Variants in GALNT10 observed in about 807,000 individuals in gnomAD.
GALNT10 encodes the protein polypeptide N-acetylgalactosaminyltransferase 10.
Under a neutral mutation model 75.0 loss-of-function variants are expected in GALNT10, and 41 were observed. The observed-to-expected ratio is 0.55, with a 90% confidence interval of 0.43 to 0.71. The LOEUF (loss-of-function observed/expected upper bound fraction) is 0.71. GALNT10 is among the 30% of genes least tolerant of loss of function. The pLI is 0.00. For missense variants in GALNT10, 727 were observed against 818.5 expected (o/e 0.89, Z 1.36); for synonymous variants, 302 against 313.0 (o/e 0.96, Z 0.37).
chr5:154,372,787 G>A (rs1755594351), intron 4 of GALNT10, among the ~76,000 whole-genome samples: 2 of 152,106 alleles, frequency 1.3e-5, no homozygotes, highest in Non-Finnish European at 2.9e-5. Flanking sequence ...GTTGCAGGCA[G>A]GCAGGCATGA....
rs1422793 is a variant in GALNT10, at chr5:154,379,365, G to A, written c.755-1083G>A. ...CCCCACCTATGGACCGTGCCTTGCAGTTTAGGAAAAAGCAAAAATGCTGTT... is the reference window on the plus strand; with the variant it reads ...CCCCACCTATGGACCGTGCCTTGCAATTTAGGAAAAAGCAAAAATGCTGTT... On this transcript the variant is annotated intron_variant, in intron 5 of 11. Coordinates refer to ENST00000297107, the MANE Select transcript of GALNT10 (RefSeq NM_198321.4). Among the ~76,000 whole-genome samples, 1,454 of 152,324 alleles carry A rather than the reference G, an allele frequency of 9.5e-3. 84 individuals are homozygous for A. The highest frequency in any genetic ancestry group is 0.087 in the Admixed American group (1,337 of 15,306).
chr5:154,334,654 G>C (rs1754914859), intron 4 of GALNT10, among the ~76,000 whole-genome samples: 1 of 152,176 alleles, frequency 6.6e-6, no homozygotes. Flanking sequence ...GGAATGATGA[G>C]GTACAAAAGT....
rs1485657575 is a variant in GALNT10 at position 154,298,158 on chromosome 5, T to A, written c.401+79T>A. ...GTTGAGAATTAATTAAGGAAGCAGG[T>A]ACATGGAGCCCTGCTGACGGAGACA... On this transcript the variant is annotated intron_variant, in intron 3 of 11. Transcript: ENST00000297107. The surrounding 1 kb of genome is among the most constrained non-coding windows in gnomAD (Gnocchi z 4.1). The A allele has an allele frequency of 2.3e-6, 3 of 1,315,274 alleles. No homozygotes were observed. The highest frequency in any genetic ancestry group is 2.2e-6 in the Non-Finnish European group (2 of 928,142). The allele number at this position is 1,315,274 out of a possible 1,614,324, so 81.5% of individuals were successfully genotyped here. A position where few individuals can be genotyped will look rare whatever the true frequency, so the allele number is the denominator to read the frequency against.
rs1232975329 is a variant in GALNT10, at chr5:154,352,852, G to T, written c.568+23114G>T. ...GGTCTTGCATCGGGACATGGCTATG[G>T]CAGGGAAGAAATTTTCACAGGGCGC... On this transcript the variant is annotated intron_variant, in intron 4 of 11. Transcript: ENST00000297107. The surrounding 1 kb of genome is among the most constrained non-coding windows in gnomAD (Gnocchi z 4.4). Among the ~76,000 whole-genome samples the T allele has an allele frequency of 1.3e-5, 2 of 152,206 alleles. No individual in the cohort carries two copies. Among genetic ancestry groups the T allele is most frequent in the Non-Finnish European group, 2.9e-5 (2 of 68,038 alleles).
rs1265387722 is a variant in GALNT10 at position 154,245,875 on chromosome 5, A to G, written c.160-48941A>G. Among the ~76,000 whole-genome samples, 8 of 150,088 alleles carry G rather than the reference A, an allele frequency of 5.3e-5. No homozygotes were observed. The East Asian group carries it at 5.9e-4, about 11-fold the overall frequency. ...CACAACGTGCAGGTTTGTTACATATATATACATGTGCCATGTTGGTGTGCT... is the reference window on the plus strand; with the variant it reads ...CACAACGTGCAGGTTTGTTACATATGTATACATGTGCCATGTTGGTGTGCT... On this transcript the variant is annotated intron_variant, in intron 1 of 11. Transcript: ENST00000297107.
intron 8 of GALNT10, among the ~76,000 whole-genome samples, chr5:154,408,317 C>G (rs1001417328): frequency 6.6e-6 from 1 of 152,172 alleles, no homozygotes; most frequent in African/African-American, 2.4e-5. Flanking sequence ...TGCTAACTCC[C>G]CTTTAACCTT....
At chr5:154,384,264 C>T (rs2113182722) in intron 6 of GALNT10, among the ~76,000 whole-genome samples, 1 of 152,204 alleles carries the variant, frequency 6.6e-6, no homozygotes, top group Middle Eastern at 3.4e-3. Context: ...AGCTATCACT[C>T]CATTGTTTAG....
chr5:154,321,991 G>A (rs951374845), intron 3 of GALNT10, among the ~76,000 whole-genome samples: 1 of 152,198 alleles, frequency 6.6e-6, no homozygotes, highest in Admixed American at 6.5e-5. Flanking sequence ...TATCAAGGAC[G>A]ACTCCTCGTG....
chr5:154,382,453 T>C (rs1381677067), intron 6 of GALNT10, among the ~76,000 whole-genome samples: 1 of 152,222 alleles, frequency 6.6e-6, no homozygotes, highest in Non-Finnish European at 1.5e-5. Flanking sequence ...GAATCAATCC[T>C]CAGTTGACCT....
chr5:154,378,338 C>CATCATCATCATCATCATT (rs1438415216), intron 5 of GALNT10, among the ~76,000 whole-genome samples: 1 of 152,090 alleles, frequency 6.6e-6, no homozygotes, highest in Non-Finnish European at 1.5e-5. Context: ...TCATCATCAT[C>CATCATCATCATCATCATT]ATCATTATCA....
intron 1 of GALNT10, among the ~76,000 whole-genome samples, chr5:154,272,776 G>A (rs1316080626): frequency 1.3e-5 from 2 of 152,198 alleles, no homozygotes; most frequent in Non-Finnish European, 2.9e-5. Flanking sequence ...AACATAGAGA[G>A]TCCAATAAGT....
chr5:154,353,515 C>T (rs527823125), intron 4 of GALNT10, among the ~76,000 whole-genome samples: 42 of 152,286 alleles, frequency 2.8e-4, no homozygotes, highest in Admixed American at 8.5e-4. Context: ...GTCCCTCAGG[C>T]GCATTGGGTG....
At chr5:154,278,021 T>A (rs1383288816) in intron 1 of GALNT10, among the ~76,000 whole-genome samples, 1 of 152,252 alleles carries the variant, frequency 6.6e-6, no homozygotes, top group Non-Finnish European at 1.5e-5. Context: ...ATGTTTTAGG[T>A]GAATGGATAG....
At chr5:154,220,192 A>G (rs1284823621) in intron 1 of GALNT10, 1 of 152,208 alleles carries the variant, frequency 6.6e-6, no homozygotes, top group Non-Finnish European at 1.5e-5. Context: ...GAGAAGATGA[A>G]TTATCCTGTC....
chr5:154,210,834 G>A (rs1775185591), intron 1 of GALNT10, among the ~76,000 whole-genome samples: 1 of 152,224 alleles, frequency 6.6e-6, no homozygotes, highest in African/African-American at 2.4e-5. Context: ...TTATCAGTGT[G>A]AAGTTTCTTG....
intron 1 of GALNT10, among the ~76,000 whole-genome samples, chr5:154,204,480 G>A (rs1775075246): frequency 6.6e-6 from 1 of 152,160 alleles, no homozygotes; most frequent in South Asian, 2.1e-4. Context: ...CTCTTCAGTG[G>A]CTTCCACTGC....
intron 4 of GALNT10, among the ~76,000 whole-genome samples, chr5:154,372,676 T>C (rs1445501682): frequency 6.6e-6 from 1 of 152,098 alleles, no homozygotes; most frequent in Admixed American, 6.5e-5. Context: ...ATGTGCTCAG[T>C]GTCATCCCAC....
intron 7 of GALNT10, among the ~76,000 whole-genome samples, chr5:154,397,087 A>G (rs1756032774): frequency 6.6e-6 from 1 of 151,164 alleles, no homozygotes; most frequent in Non-Finnish European, 1.5e-5. Context: ...AGATTGTGCC[A>G]TTGTACTCCA....
chr5:154,371,335 G>C (rs1026663506), intron 4 of GALNT10, among the ~76,000 whole-genome samples: 3 of 152,036 alleles, frequency 2.0e-5, no homozygotes, highest in Non-Finnish European at 4.4e-5. Context: ...TCCAAATAAA[G>C]CCACATTCAC....
Sources: allele counts gnomAD v4.1 joint callset (sites outside exome capture counted in the v4.1 genomes callset), GRCh38; gene constraint gnomAD v4.1.1; non-coding constraint Gnocchi (gnomAD v3.1); transcripts MANE v1.5; gene names NCBI Gene and HGNC (gene_info 2026-07-23, HGNC 2026-07-21).